Variants in AVEN observed in about 807,000 individuals in gnomAD.
The protein encoded by AVEN is apoptosis and caspase activation inhibitor, also known as cell death regulator Aven.
A neutral mutation model predicts 38.1 loss-of-function variants in AVEN; 41 were observed. That is an observed-to-expected ratio of 1.08 (90% CI 0.84 to 1.40). AVEN has a LOEUF of 1.40. AVEN is among the 40% of genes most tolerant of loss of function. The pLI is 0.00. For missense variants in AVEN, 605 were observed against 438.8 expected, an observed-to-expected ratio of 1.38 and a Z score of -3.38; for synonymous variants, 206 against 171.8, an observed-to-expected ratio of 1.20 and a Z score of -1.56.
In AVEN at chr15:33,870,841, G is replaced by C. The variant is rs542967501; in HGVS notation, c.612+94C>G. ...GAAACCCTCACTTTTATAAAGGGAA[G>C]CTGACACTGAGACATCCTGCTGAGG... On this transcript the variant is annotated intron_variant, in intron 4 of 5. Coordinates refer to ENST00000306730, the MANE Select transcript of AVEN (RefSeq NM_020371.3). 7.7e-5 allele frequency: 64 copies of C among 828,284 alleles called. No individual in the cohort carries two copies. In the African/African-American group the frequency reaches 9.8e-4, roughly 13 times the overall value. 51.3% of individuals were successfully genotyped at this position (828,284 alleles called of 1,614,324 possible).
At chr15:34,018,839 G>A (rs149047026) in intron 1 of AVEN, among the ~76,000 whole-genome samples, 91 of 142,828 alleles carry the variant, frequency 6.4e-4, no homozygotes, top group African/African-American at 2.4e-3. Flanking sequence ...CCACTGATTG[G>A]TGCATTTTTA....
At chr15:34,032,171 A>G (rs1386815708) in intron 1 of AVEN, among the ~76,000 whole-genome samples, 1 of 152,194 alleles carries the variant, frequency 6.6e-6, no homozygotes, top group Admixed American at 6.5e-5. Flanking sequence ...TTGATACTTC[A>G]AAGTGCATCA....
chr15:34,063,982 C>G lies in AVEN; in HGVS notation n.1127-550G>C, dbSNP rs1346655192. 8.7e-6 allele frequency: 14 copies of G among 1,614,060 alleles called. No homozygotes were observed. Among genetic ancestry groups the G allele is most frequent in the Non-Finnish European group, 1.2e-5 (14 of 1,180,032 alleles). On this transcript the variant is annotated intron_variant and non_coding_transcript_variant, in intron 4 of 11. Transcript: ENST00000675287. This position sits in a 1 kb window ranked among gnomAD's most constrained non-coding sequence, Gnocchi z 4.1. ...TCAACGAAAGGCCTCAATCCCAACCCCAGCCATCAAATGACCAAACGAAAG... is the reference window on the plus strand; with the variant it reads ...TCAACGAAAGGCCTCAATCCCAACCGCAGCCATCAAATGACCAAACGAAAG...
intron 2 of AVEN, among the ~76,000 whole-genome samples, chr15:33,963,649 T>C (rs1895280188): frequency 6.6e-6 from 1 of 151,688 alleles, no homozygotes; most frequent in African/African-American, 2.4e-5. Context: ...GTACAAAAAT[T>C]AGACAGGCAT....
intron 2 of AVEN, among the ~76,000 whole-genome samples, chr15:33,897,985 C>A (rs1892313219): frequency 6.6e-6 from 1 of 152,148 alleles, no homozygotes; most frequent in South Asian, 2.1e-4. Context: ...GTCAGGAGAT[C>A]GAGACCATCC....
chr15:33,904,084 A>G (rs1406972329), intron 2 of AVEN, among the ~76,000 whole-genome samples: 2 of 152,198 alleles, frequency 1.3e-5, no homozygotes, highest in Non-Finnish European at 2.9e-5. Context: ...ATTGACCAAA[A>G]CATCATTATG....
chr15:33,974,149 A>AATTTC (rs1333840977), intron 2 of AVEN, among the ~76,000 whole-genome samples: 3 of 152,192 alleles, frequency 2.0e-5, no homozygotes, highest in African/African-American at 7.2e-5. Flanking sequence ...CTAGATCTAG[A>AATTTC]ATTTCATCGA....
chr15:33,888,952 G>A (rs1160654888), intron 2 of AVEN, among the ~76,000 whole-genome samples: 5 of 152,104 alleles, frequency 3.3e-5, no homozygotes, highest in African/African-American at 7.2e-5. Context: ...TCTTGACCTC[G>A]TGATCCACCT....
chr15:34,011,018 G>A (rs1448559753), intron 1 of AVEN, among the ~76,000 whole-genome samples: 1 of 152,118 alleles, frequency 6.6e-6, no homozygotes, highest in Non-Finnish European at 1.5e-5. Context: ...TTCAATGACA[G>A]TTTTCGATAT....
intron 11 of AVEN, chr15:33,859,851 G>C: frequency 8.9e-7 from 1 of 1,128,068 alleles, no homozygotes; most frequent in Non-Finnish European, 1.2e-6. Context: ...TGTTAATTTA[G>C]CAAGAACTAA....
At chr15:34,061,000 A>G (rs867706526) in intron 5 of AVEN, among the ~76,000 whole-genome samples, 153 of 149,750 alleles carry the variant, frequency 1.0e-3, no homozygotes, top group African/African-American at 3.6e-3. Flanking sequence ...TGGGCAACAG[A>G]GCGAGACTCC....
At chr15:34,014,704 G>A (rs570918850) in intron 1 of AVEN, among the ~76,000 whole-genome samples, 8 of 152,256 alleles carry the variant, frequency 5.3e-5, no homozygotes, top group African/African-American at 1.4e-4. Context: ...AAAGTTCAGC[G>A]GGCCCATCTG....
intron 2 of AVEN, among the ~76,000 whole-genome samples, chr15:33,923,184 T>C (rs1893470472): frequency 6.6e-6 from 1 of 152,178 alleles, no homozygotes; most frequent in Non-Finnish European, 1.5e-5. Flanking sequence ...TTTTGTTCCA[T>C]TTCAATGAAA....
chr15:33,977,114 T>C (rs1048615844), intron 2 of AVEN, among the ~76,000 whole-genome samples: 16 of 152,296 alleles, frequency 1.1e-4, no homozygotes, highest in African/African-American at 3.6e-4. Flanking sequence ...GATAGGAAGG[T>C]TGAAAGGCTG....
chr15:33,929,076 T>C (rs1258696140), intron 2 of AVEN, among the ~76,000 whole-genome samples: 1 of 152,048 alleles, frequency 6.6e-6, no homozygotes, highest in Non-Finnish European at 1.5e-5. Flanking sequence ...GTTGTATCTC[T>C]TGCTTCCTGC....
At chr15:33,884,065 T>C (rs1284980278) in intron 2 of AVEN, among the ~76,000 whole-genome samples, 1 of 152,188 alleles carries the variant, frequency 6.6e-6, no homozygotes, top group Non-Finnish European at 1.5e-5. Context: ...CATCGATTTT[T>C]CTCAAACTCC....
chr15:33,882,917 T>C (rs1891550896), intron 2 of AVEN, among the ~76,000 whole-genome samples: 1 of 151,916 alleles, frequency 6.6e-6, no homozygotes, highest in Non-Finnish European at 1.5e-5. Context: ...GGAAGAAAAT[T>C]AGAAATAAAT....
At chr15:33,969,673 G>A (rs916631889) in intron 2 of AVEN, among the ~76,000 whole-genome samples, 23 of 152,060 alleles carry the variant, frequency 1.5e-4, no homozygotes, top group South Asian at 2.1e-4. Context: ...CTACTAAATC[G>A]AGGTATAACA....
intron 2 of AVEN, among the ~76,000 whole-genome samples, chr15:33,878,498 T>C (rs1937054420): frequency 1.3e-5 from 2 of 152,124 alleles, no homozygotes. Context: ...AAAACATATT[T>C]TGTATGAATC....
Sources: allele counts gnomAD v4.1 joint callset (sites outside exome capture counted in the v4.1 genomes callset), GRCh38; gene constraint gnomAD v4.1.1; non-coding constraint Gnocchi (gnomAD v3.1); transcripts MANE v1.5; gene names NCBI Gene and HGNC (gene_info 2026-07-23, HGNC 2026-07-21).